The following RHBDD2 variants were observed in gnomAD, a reference collection of about 807,000 sequenced individuals.
RHBDD2 encodes the protein rhomboid domain-containing protein 2.
RHBDD2 carries 13 observed loss-of-function variants against 21.7 expected under a neutral mutation model. The ratio of observed to expected loss-of-function variants is 0.60; its 90% CI spans 0.39 to 0.95. The LOEUF is 0.95. Among genes scored for constraint, RHBDD2 ranks in the 40% least tolerant of loss-of-function variants. The pLI, the probability that RHBDD2 is intolerant of heterozygous loss-of-function variation, is 0.00. For synonymous variants in RHBDD2, 225 were observed against 220.0 expected (o/e 1.02, Z -0.20); for missense variants, 473 against 478.9 (o/e 0.99, Z 0.11).
At chr7:75,885,398 C>A (rs1369626897) in intron 3 of RHBDD2, among the ~76,000 whole-genome samples, 1 of 152,056 alleles carries the variant, frequency 6.6e-6, no homozygotes, top group Non-Finnish European at 1.5e-5. Flanking sequence ...TAGGAGGCCA[C>A]CTCCCTCCCT....
At chr7:75,885,870 C>T (rs140897090) in intron 3 of RHBDD2, among the ~76,000 whole-genome samples, 4 of 152,226 alleles carry the variant, frequency 2.6e-5, no homozygotes, top group East Asian at 3.9e-4. Flanking sequence ...CTGGGAATCA[C>T]GTTTCTTTTT....
At chr7:75,883,639 G>C in intron 2 of RHBDD2, 59 bp from the exon 3 acceptor site, 1 of 1,491,234 alleles carries the variant, frequency 6.7e-7, no homozygotes, top group Admixed American at 1.7e-5. Context: ...TTCTCCCCGG[G>C]GAGTGTTCGG....
Position 75,883,758 on chromosome 7 carries a change from A to G in RHBDD2, c.647A>G (p.Gln216Arg). Residue 216 changes from glutamine to arginine, a missense_variant, in exon 3 of 4, where the codon CAG (glutamine) becomes CGG (arginine). Transcript: ENST00000006777. The part of the protein sequence containing the change: ...LSERVALKLD[Q>R]TFPFSLMRRI... ...GAGCGAGTGGCACTGAAGCTCGATC[A>G]GACCTTCCCCTTCAGCCTGATGAGG... The G allele has an allele frequency of 6.2e-7, 1 of 1,613,706 alleles. No homozygotes were observed. Among genetic ancestry groups the G allele is most frequent in the Non-Finnish European group, 8.5e-7 (1 of 1,179,628 alleles).
intron 3 of RHBDD2, among the ~76,000 whole-genome samples, chr7:75,887,571 G>A (rs1005680666): frequency 1.3e-5 from 2 of 151,800 alleles, no homozygotes; most frequent in Non-Finnish European, 2.9e-5. Context: ...TGATCCACCC[G>A]CCTTGGCCTC....
chr7:75,880,484 C>T (rs1294993593), intron 1 of RHBDD2, among the ~76,000 whole-genome samples: 3 of 152,142 alleles, frequency 2.0e-5, no homozygotes, highest in East Asian at 1.9e-4. Context: ...GATATGTGAG[C>T]GTTAGAGACG....
chr7:75,884,712 A>C (rs1270623829), intron 3 of RHBDD2, among the ~76,000 whole-genome samples: 2 of 152,214 alleles, frequency 1.3e-5, no homozygotes, highest in Non-Finnish European at 2.9e-5. Flanking sequence ...TTAACATGTG[A>C]TCCTGAGTGA....
In RHBDD2 at chr7:75,888,364, A is replaced by G. The variant is rs1563382193; in HGVS notation, c.*15A>G. 1 of 1,593,042 alleles carries G rather than the reference A, an allele frequency of 6.3e-7. No homozygotes were observed. Among genetic ancestry groups the G allele is most frequent in the Non-Finnish European group, 8.5e-7 (1 of 1,169,924 alleles). ...CCATGCCCTGAGAGAATTTCTAGGG[A>G]AGTCATCTCACTTGGCCTTCTGAAG... On this transcript the variant is annotated 3_prime_UTR_variant, in exon 4 of 4. Transcript: ENST00000006777.
intron 1 of RHBDD2, among the ~76,000 whole-genome samples, chr7:75,879,861 G>C (rs560122397): frequency 2.6e-5 from 4 of 152,192 alleles, no homozygotes; most frequent in African/African-American, 9.7e-5. Flanking sequence ...CTCTAGGGGA[G>C]AGAAATTTTG....
chr7:75,886,012 G>A (rs552113619), intron 3 of RHBDD2, among the ~76,000 whole-genome samples: 34 of 152,260 alleles, frequency 2.2e-4, no homozygotes, highest in Middle Eastern at 3.4e-3. Context: ...AATTATAGGC[G>A]CGTGCCACTA....
intron 3 of RHBDD2, among the ~76,000 whole-genome samples, chr7:75,885,699 A>G (rs1172037060): frequency 6.6e-6 from 1 of 152,022 alleles, no homozygotes; most frequent in African/African-American, 2.4e-5. Flanking sequence ...GGCACCACAC[A>G]TTGAGAGAGG....
chr7:75,881,628 A>G (rs1805328276), intron 1 of RHBDD2: 3 of 1,032,890 alleles, frequency 2.9e-6, no homozygotes, highest in Non-Finnish European at 4.1e-6. Context: ...AAGTGTAGGG[A>G]TTAGATATTC....
At chr7:75,885,700 T>A (rs1805618313) in intron 3 of RHBDD2, among the ~76,000 whole-genome samples, 1 of 151,936 alleles carries the variant, frequency 6.6e-6, no homozygotes, top group African/African-American at 2.4e-5. Context: ...GCACCACACA[T>A]TGAGAGAGGG....
Position 75,888,607 on chromosome 7 carries a change from T to G in RHBDD2, c.*258T>G. 1 of 471,052 alleles carries G rather than the reference T, an allele frequency of 2.1e-6. No individual in the cohort carries two copies. Among genetic ancestry groups the G allele is most frequent in the Non-Finnish European group, 3.8e-6 (1 of 262,510 alleles). 29.2% of individuals were successfully genotyped at this position (471,052 alleles called of 1,614,324 possible). The stretch of plus-strand genomic sequence containing the variant: ...GGCTCTTTAGTAACACGGACAAGGC[T>G]CCTCGCCAAGGAACTCGTGGCAGAA... On this transcript the variant is annotated 3_prime_UTR_variant, in exon 4 of 4. Coordinates refer to ENST00000006777, the MANE Select transcript of RHBDD2 (RefSeq NM_001040456.3).
At chr7:75,881,426 A>T in intron 1 of RHBDD2, 5 of 1,295,384 alleles carry the variant, frequency 3.9e-6, no homozygotes, top group Non-Finnish European at 5.0e-6. Context: ...GTGTTAAGTG[A>T]CACCCACTCA....
intron 1 of RHBDD2, among the ~76,000 whole-genome samples, chr7:75,881,152 G>A (rs1406171835): frequency 6.6e-6 from 1 of 152,154 alleles, no homozygotes; most frequent in Non-Finnish European, 1.5e-5. Flanking sequence ...GGGCAACGTA[G>A]CAAGACTTTG....
chr7:75,888,421 C>T lies in RHBDD2; in HGVS notation c.*72C>T, dbSNP rs1170474051. ...CCTAAGAGTCTCCTGACAAAAGTTA[C>T]TTATTGAACACCTCTATGTGCCAGG... is the stretch of plus-strand genomic sequence containing the variant. On this transcript the variant is annotated 3_prime_UTR_variant, in exon 4 of 4. Coordinates refer to ENST00000006777, the MANE Select transcript of RHBDD2 (RefSeq NM_001040456.3). The T allele has an allele frequency of 4.2e-6, 5 of 1,194,860 alleles. No homozygotes were observed. The highest frequency in any genetic ancestry group is 6.0e-6 in the Non-Finnish European group (5 of 828,340). 74.0% of individuals were successfully genotyped at this position (1,194,860 alleles called of 1,614,324 possible). A position where few individuals can be genotyped will look rare whatever the true frequency, so the allele number is the denominator to read the frequency against.
intron 3 of RHBDD2, among the ~76,000 whole-genome samples, chr7:75,887,548 T>A (rs1184717059): frequency 6.6e-6 from 1 of 151,928 alleles, no homozygotes; most frequent in Non-Finnish European, 1.5e-5. Context: ...AGTCTCGAAC[T>A]CCTGACCTCA....
chr7:75,887,877 C>G, intron 3 of RHBDD2, 115 bp from the exon 4 acceptor site: 1 of 875,094 alleles, frequency 1.1e-6, no homozygotes, highest in Middle Eastern at 2.6e-4. Context: ...TAGAGCAAGT[C>G]ACAGAAAACA....
chr7:75,883,924 T>A, intron 3 of RHBDD2, 76 bp downstream of exon 3: 1 of 1,237,500 alleles, frequency 8.1e-7, no homozygotes. Context: ...AGACGGAGTC[T>A]CACTCTGTCA....
Sources: gnomAD v4.1 joint callset for allele counts (sites outside exome capture counted in the v4.1 genomes callset) on GRCh38, gnomAD v4.1.1 for gene constraint, MANE v1.5 for transcripts, NCBI Gene and HGNC (gene_info 2026-07-23, HGNC 2026-07-21) for gene names.